TMEM132C: variants seen among roughly 807,000 people sequenced by gnomAD.
The protein encoded by TMEM132C is protein phosphatase 1, regulatory subunit 152.
In TMEM132C, 29 loss-of-function variants were observed where a neutral mutation model predicts 61.4. The ratio of observed to expected loss-of-function variants is 0.47; its 90% CI spans 0.35 to 0.64. The LOEUF (loss-of-function observed/expected upper bound fraction) is 0.64. TMEM132C is among the 30% of genes least tolerant of loss of function. The pLI is 0.00. For missense variants in TMEM132C, 1,408 were observed against 1,476.9 expected, an observed-to-expected ratio of 0.95 and a Z score of 0.76; for synonymous variants, 656 against 633.1, an observed-to-expected ratio of 1.04 and a Z score of -0.54.
intron 2 of TMEM132C, among the ~76,000 whole-genome samples, chr12:128,429,756 C>A (rs1314985630): frequency 1.3e-5 from 2 of 152,260 alleles, no homozygotes; most frequent in South Asian, 4.1e-4. Flanking sequence ...ATGGGGCTTA[C>A]CTTGGATAAC....
At chr12:128,395,200 A>G (rs986843865) in intron 1 of TMEM132C, among the ~76,000 whole-genome samples, 7 of 150,284 alleles carry the variant, frequency 4.7e-5, no homozygotes, top group Non-Finnish European at 8.9e-5. Flanking sequence ...TTAATTAAAT[A>G]TATAGTTCAT....
At chr12:128,295,167 A>G (rs1310242497) in intron 1 of TMEM132C, among the ~76,000 whole-genome samples, 2 of 152,152 alleles carry the variant, frequency 1.3e-5, no homozygotes, top group Non-Finnish European at 2.9e-5. Flanking sequence ...AGCTAGCTCT[A>G]GAAATAAATT....
intron 1 of TMEM132C, among the ~76,000 whole-genome samples, chr12:128,382,707 C>G (rs1483592676): frequency 6.6e-6 from 1 of 152,110 alleles, no homozygotes; most frequent in African/African-American, 2.4e-5. Context: ...CCGTGGTATT[C>G]TTTTACATAA....
At chr12:128,348,604 C>T (rs1213754930) in intron 1 of TMEM132C, among the ~76,000 whole-genome samples, 2 of 152,156 alleles carry the variant, frequency 1.3e-5, no homozygotes, top group African/African-American at 4.8e-5. Flanking sequence ...GCATTTCAGG[C>T]CCTTTCTTGG....
chr12:128,535,676 A>T (rs1295497837), intron 2 of TMEM132C, among the ~76,000 whole-genome samples: 1 of 152,130 alleles, frequency 6.6e-6, no homozygotes, highest in Non-Finnish European at 1.5e-5. Context: ...AGACCATCTT[A>T]GCTAACACAG....
intron 2 of TMEM132C, among the ~76,000 whole-genome samples, chr12:128,480,073 T>G (rs554015799): frequency 6.6e-6 from 1 of 152,254 alleles, no homozygotes; most frequent in South Asian, 2.1e-4. Flanking sequence ...GCCTGGGCGA[T>G]GTAGTGGGAC....
intron 2 of TMEM132C, among the ~76,000 whole-genome samples, chr12:128,486,863 A>G (rs1871509616): frequency 7.0e-6 from 1 of 142,640 alleles, no homozygotes; most frequent in Non-Finnish European, 1.5e-5. Flanking sequence ...GCTTGTAAAC[A>G]TGTGTGCATG....
intron 1 of TMEM132C, among the ~76,000 whole-genome samples, chr12:128,372,509 A>G (rs903306033): frequency 6.6e-6 from 1 of 152,220 alleles, no homozygotes; most frequent in African/African-American, 2.4e-5. Flanking sequence ...TGGATATAAT[A>G]TATAGAAGTG....
chr12:128,659,323 AT>A (rs1954360847), intron 4 of TMEM132C, among the ~76,000 whole-genome samples: 1 of 152,220 alleles, frequency 6.6e-6, no homozygotes, highest in Admixed American at 6.5e-5. Flanking sequence ...CTGTGAAGCC[AT>A]TACAGACACC....
At chr12:128,622,447 T>C (rs1407579724) in intron 4 of TMEM132C, among the ~76,000 whole-genome samples, 1 of 130,394 alleles carries the variant, frequency 7.7e-6, no homozygotes, top group Admixed American at 8.8e-5. Context: ...TCATAGACAG[T>C]CAAAATGGAA....
intron 3 of TMEM132C, among the ~76,000 whole-genome samples, chr12:128,567,752 C>T (rs190748349): frequency 1.3e-3 from 199 of 152,302 alleles, no homozygotes; most frequent in African/African-American, 4.6e-3. Flanking sequence ...CCTTTCCAAG[C>T]TCGAGTCCAG....
At chr12:128,533,948 T>TACACACACACACACAC (rs55794743) in intron 2 of TMEM132C, among the ~76,000 whole-genome samples, 2 of 145,676 alleles carry the variant, frequency 1.4e-5, no homozygotes, top group African/African-American at 5.1e-5. Context: ...CATGCGCACA[T>TACACACACACACACAC]ACACACACAC....
intron 2 of TMEM132C, among the ~76,000 whole-genome samples, chr12:128,500,840 T>C (rs1352089983): frequency 6.6e-6 from 1 of 152,224 alleles, no homozygotes; most frequent in African/African-American, 2.4e-5. Context: ...TATATATATA[T>C]GCAAGAGGAT....
At chr12:128,404,974 ACG>A (rs1875290101) in intron 1 of TMEM132C, among the ~76,000 whole-genome samples, 2 of 84,658 alleles carry the variant, frequency 2.4e-5, no homozygotes, top group East Asian at 7.8e-4. Flanking sequence ...ACAGCAATGA[ACG>A]TGCTGTCCAC....
chr12:128,549,965 T>G (rs887157628), intron 3 of TMEM132C, among the ~76,000 whole-genome samples: 1 of 152,182 alleles, frequency 6.6e-6, no homozygotes, highest in African/African-American at 2.4e-5. Context: ...TTGTGCTTAT[T>G]CTTGTCCTGA....
chr12:128,271,945 A>C (rs1870535039), intron 1 of TMEM132C, among the ~76,000 whole-genome samples: 1 of 152,374 alleles, frequency 6.6e-6, no homozygotes, highest in South Asian at 2.1e-4. Context: ...ATTGAAGTGA[A>C]GGAAAGTATT....
chr12:128,393,028 G>A (rs1874820107), intron 1 of TMEM132C, among the ~76,000 whole-genome samples: 1 of 152,178 alleles, frequency 6.6e-6, no homozygotes, highest in African/African-American at 2.4e-5. Flanking sequence ...AAAAATGGGT[G>A]GTTCAAACAA....
chr12:128,290,848 C>CA (rs769921191), intron 1 of TMEM132C, among the ~76,000 whole-genome samples: 56,342 of 139,290 alleles, frequency 0.4, 11,281 homozygotes, highest in Non-Finnish European at 0.47. Flanking sequence ...GCTCATTTAA[C>CA]AAAAAAAAAA....
chr12:128,537,016 A>C (rs1045094725), intron 2 of TMEM132C, among the ~76,000 whole-genome samples: 1 of 152,220 alleles, frequency 6.6e-6, no homozygotes, highest in African/African-American at 2.4e-5. Context: ...ATGCATATTC[A>C]ATAAGCCATA....
Sources: allele counts gnomAD v4.1 joint callset (sites outside exome capture counted in the v4.1 genomes callset), GRCh38; gene constraint gnomAD v4.1.1; transcripts MANE v1.5; gene names NCBI Gene and HGNC (gene_info 2026-07-23, HGNC 2026-07-21).